The following KCMF1 variants were observed in gnomAD, a reference collection of about 807,000 sequenced individuals.
KCMF1 encodes potassium channel modulatory factor 1, also known as E3 ubiquitin-protein ligase KCMF1.
KCMF1 carries 3 observed loss-of-function variants against 41.1 expected under a neutral mutation model. The ratio of observed to expected loss-of-function variants is 0.07; its 90% confidence interval spans 0.03 to 0.19. The LOEUF (loss-of-function observed/expected upper bound fraction) is 0.19. Among genes scored for constraint, KCMF1 ranks in the 10% least tolerant of loss-of-function variants. The pLI, the probability that KCMF1 is intolerant of heterozygous loss-of-function variation, is 1.00. For missense variants in KCMF1, 286 were observed against 488.9 expected (o/e 0.58, Z 3.91); for synonymous variants, 142 against 164.5 (o/e 0.86, Z 1.04).
At chr2:85,033,079 A>G (rs751317994) in intron 2 of KCMF1, among the ~76,000 whole-genome samples, 1 of 152,150 alleles carries the variant, frequency 6.6e-6, no homozygotes, top group Non-Finnish European at 1.5e-5. Flanking sequence ...AGGAAGTTCT[A>G]TTCTTTTTAA....
intron 3 of KCMF1, among the ~76,000 whole-genome samples, chr2:85,040,346 TTCCTG>T (rs1675498385): frequency 6.6e-6 from 1 of 152,172 alleles, no homozygotes; most frequent in African/African-American, 2.4e-5. Flanking sequence ...GTGTCGAGTT[TTCCTG>T]TCCTGTAAGA....
chr2:85,022,885 TC>T (rs373298303), intron 1 of KCMF1, among the ~76,000 whole-genome samples: 16 of 121,598 alleles, frequency 1.3e-4, no homozygotes, highest in African/African-American at 1.9e-4. Flanking sequence ...CTGTATGTAT[TC>T]TTTTTTTTTT....
At chr2:84,991,395 A>T (rs773273258) in intron 1 of KCMF1, among the ~76,000 whole-genome samples, 55 of 152,354 alleles carry the variant, frequency 3.6e-4, no homozygotes, top group Non-Finnish European at 6.5e-4. Flanking sequence ...ATTTGGTTGA[A>T]TGAATATGAA....
intron 1 of KCMF1, among the ~76,000 whole-genome samples, chr2:84,996,933 C>T (rs1393540629): frequency 1.3e-5 from 2 of 152,082 alleles, no homozygotes; most frequent in African/African-American, 4.8e-5. Context: ...CACATCTGGG[C>T]TATGTATGTT....
At chr2:84,973,825 C>CTTTTTTTTTTTTTTTTTTTT (rs1238178193) in intron 1 of KCMF1, among the ~76,000 whole-genome samples, 6 of 110,272 alleles carry the variant, frequency 5.4e-5, no homozygotes, top group Non-Finnish European at 9.4e-5. Flanking sequence ...TTATTTCTTT[C>CTTTTTTTTTTTTTTTTTTTT]TTTTTTTTTT....
intron 1 of KCMF1, among the ~76,000 whole-genome samples, chr2:84,992,753 CT>C (rs1370094845): frequency 6.6e-6 from 1 of 152,112 alleles, no homozygotes; most frequent in Non-Finnish European, 1.5e-5. Flanking sequence ...CCTCAGCCTC[CT>C]GAGTAGCTGG....
rs1675901947 is a variant in KCMF1 at position 85,055,308 on chromosome 2, C to G, written c.*1899C>G. ...ACCATTACTCTGAGATTTTATATCT[C>G]TAATCCAGTATTTTTTTTCTTTTTA... is the stretch of plus-strand genomic sequence containing the variant. On this transcript the variant is annotated 3_prime_UTR_variant, in exon 7 of 7. Transcript: ENST00000409785. The G allele has an allele frequency of 1.3e-5, 2 of 152,164 alleles. No homozygotes were observed. The allele number at this position is 152,164 out of a possible 1,614,324, so 9.4% of individuals were successfully genotyped here.
intron 1 of KCMF1, among the ~76,000 whole-genome samples, chr2:84,992,836 G>A (rs1674076272): frequency 6.6e-6 from 1 of 152,040 alleles, no homozygotes; most frequent in South Asian, 2.1e-4. Flanking sequence ...TAGCCAGGAT[G>A]GTCTCGATCT....
Position 85,053,637 on chromosome 2 carries a change from C to A in KCMF1, c.*228C>A. 1 of 476,236 alleles carries A rather than the reference C, an allele frequency of 2.1e-6. No homozygotes were observed. 29.5% of individuals were successfully genotyped at this position (476,236 alleles called of 1,614,324 possible). ...AGCAGTGCAGGGGTGATCTCTGCTT[C>A]CTGTACCTTGACATGCAAAAGGCTC... is the stretch of plus-strand genomic sequence containing the variant. On this transcript the variant is annotated 3_prime_UTR_variant, in exon 7 of 7. Coordinates refer to ENST00000409785, the MANE Select transcript of KCMF1 (RefSeq NM_020122.5).
At chr2:84,993,571 A>G (rs1393991805) in intron 1 of KCMF1, among the ~76,000 whole-genome samples, 7 of 150,784 alleles carry the variant, frequency 4.6e-5, no homozygotes, top group Non-Finnish European at 8.9e-5. Flanking sequence ...TTATTTATTT[A>G]TTTATTTATT....
intron 1 of KCMF1, among the ~76,000 whole-genome samples, chr2:84,980,924 A>C (rs1029704008): frequency 6.6e-6 from 1 of 152,004 alleles, no homozygotes; most frequent in Non-Finnish European, 1.5e-5. Flanking sequence ...TATAGGTGTG[A>C]AGCACCACAC....
intron 1 of KCMF1, among the ~76,000 whole-genome samples, chr2:84,973,825 CTTT>C (rs1238178193): frequency 9.1e-6 from 1 of 110,254 alleles, no homozygotes. Context: ...TTATTTCTTT[CTTT>C]TTTTTTTTTT....
intron 1 of KCMF1, 150 bp downstream of exon 1, chr2:84,971,617 A>G (rs957054612): frequency 7.5e-6 from 2 of 267,992 alleles, no homozygotes; most frequent in Non-Finnish European, 1.3e-5. Context: ...CGAGCGAGCG[A>G]GGGCGGAGAG....
chr2:85,040,878 A>G lies in KCMF1; in HGVS notation c.325-2686A>G, dbSNP rs548182560. ...CGGGTTCAAGTGATTCTCCTGCCTC[A>G]GCCTCCTGAGTAGCTGGGATTACAG... is the stretch of plus-strand genomic sequence containing the variant. On this transcript the variant is annotated intron_variant, in intron 3 of 6. Coordinates refer to ENST00000409785, the MANE Select transcript of KCMF1 (RefSeq NM_020122.5). Among the ~76,000 whole-genome samples, 18 of 151,418 alleles carry G rather than the reference A, an allele frequency of 1.2e-4. No individual in the cohort carries two copies. The East Asian group carries it at 3.3e-3, about 28-fold the overall frequency.
chr2:84,986,944 C>A (rs1012565026), intron 1 of KCMF1, among the ~76,000 whole-genome samples: 1 of 152,008 alleles, frequency 6.6e-6, no homozygotes, highest in Non-Finnish European at 1.5e-5. Context: ...GGGACAGGGA[C>A]TTATTTGTTT....
At position 85,058,129 on chromosome 2, in the gene KCMF1, T is replaced by A. The variant is rs1675978115; in HGVS notation, c.*4720T>A. ...GGGGCCGGGTGTGGTGGCTCACGCC[T>A]GTAATCCCAGCACTTTGGGAGGCCA... On this transcript the variant is annotated 3_prime_UTR_variant, in exon 7 of 7. Coordinates refer to ENST00000409785, the MANE Select transcript of KCMF1 (RefSeq NM_020122.5). The A allele has an allele frequency of 6.5e-6, 1 of 152,838 alleles. No individual in the cohort carries two copies. The highest frequency in any genetic ancestry group is 1.9e-4 in the East Asian group (1 of 5,210). The allele number at this position is 152,838 out of a possible 1,614,324, so 9.5% of individuals were successfully genotyped here. A position where few individuals can be genotyped will look rare whatever the true frequency, so the allele number is the denominator to read the frequency against.
At position 85,010,778 on chromosome 2, in the gene KCMF1, T is replaced by C. The variant is rs143848462; in HGVS notation, c.17-17111T>C. ...TTTTTTTCTGCTTCCTTCTTCTGAT[T>C]TATTTATTCCTTTATATCAGTATGG... On this transcript the variant is annotated intron_variant, in intron 1 of 6. Coordinates refer to ENST00000409785, the MANE Select transcript of KCMF1 (RefSeq NM_020122.5). Among the ~76,000 whole-genome samples the C allele has an allele frequency of 5.5e-3, 844 of 152,300 alleles. 5 individuals carry two copies. The highest frequency in any genetic ancestry group is 0.019 in the African/African-American group (802 of 41,556).
Position 85,049,586 on chromosome 2 carries a change from C to T in KCMF1, c.822C>T (p.Thr274=). Reference sequence around the variant, plus strand: ...CAATCACACAATCCACAGCAACAACCAACATAGCTAATACAGAAAGCAGTC... The same window carrying T: ...CAATCACACAATCCACAGCAACAACTAACATAGCTAATACAGAAAGCAGTC... ...TTTITQSTAT[T]NIANTESSQQ... Residue 274 remains threonine, a synonymous_variant, in exon 6 of 7, where the codon ACC becomes ACT. Transcript: ENST00000409785. 6.2e-7 allele frequency: 1 copy of T among 1,613,904 alleles called. No homozygotes were observed. The highest frequency in any genetic ancestry group is 8.5e-7 in the Non-Finnish European group (1 of 1,179,826).
chr2:85,035,593 TG>T (rs1416377781), intron 3 of KCMF1, among the ~76,000 whole-genome samples: 1 of 152,238 alleles, frequency 6.6e-6, no homozygotes, highest in Non-Finnish European at 1.5e-5. Context: ...AGCATATCGC[TG>T]ATCTTACCTG....
Sources: allele counts gnomAD v4.1 joint callset (sites outside exome capture counted in the v4.1 genomes callset), GRCh38; gene constraint gnomAD v4.1.1; transcripts MANE v1.5; gene names NCBI Gene and HGNC (gene_info 2026-07-23, HGNC 2026-07-21).